The following TENM3 variants were observed in gnomAD, a reference collection of about 807,000 sequenced individuals.
TENM3 encodes teneurin transmembrane protein 3.
In TENM3, 63 loss-of-function variants were observed where a neutral mutation model predicts 255.1. The ratio of observed to expected loss-of-function variants is 0.25; its 90% confidence interval spans 0.20 to 0.30. TENM3 has a LOEUF of 0.30. Ranked by LOEUF, TENM3 falls within the 10% of genes least tolerant of loss-of-function variation. The pLI, the probability that TENM3 is intolerant of heterozygous loss-of-function variation, is 1.00. For synonymous variants in TENM3, 1,306 were observed against 1,322.3 expected (o/e 0.99, Z 0.27); for missense variants, 2,929 against 3,461.1 (o/e 0.85, Z 3.86).
At chr4:182,726,945 T>TA (rs1379600339) in intron 13 of TENM3, among the ~76,000 whole-genome samples, 9 of 151,976 alleles carry the variant, frequency 5.9e-5, no homozygotes, top group African/African-American at 1.9e-4. Context: ...AGTATTTTTT[T>TA]AAAAAAAGAC....
chr4:182,308,863 T>G (rs545202196), intron 1 of TENM3, among the ~76,000 whole-genome samples: 1 of 152,344 alleles, frequency 6.6e-6, no homozygotes, highest in East Asian at 1.9e-4. Context: ...CATATTTATA[T>G]TCCCCAATAC....
At chr4:182,072,574 T>C in the TENM3 span, among the ~76,000 whole-genome samples, 2 of 152,234 alleles carry the variant, frequency 1.3e-5, no homozygotes, top group Admixed American at 1.3e-4. Flanking sequence ...TAAAGAAATA[T>C]ATACTTCCAC....
chr4:181,708,264 A>T, the TENM3 span, among the ~76,000 whole-genome samples: 2 of 152,236 alleles, frequency 1.3e-5, no homozygotes, highest in African/African-American at 2.4e-5. Context: ...TTCTGATAAG[A>T]TATAATTAGG....
At chr4:181,553,333 T>C in the TENM3 span, among the ~76,000 whole-genome samples, 784 of 124,400 alleles carry the variant, frequency 6.3e-3, 7 homozygotes, top group African/African-American at 0.02. Context: ...TATATATATA[T>C]ATACACACAC....
chr4:181,605,295 A>G, the TENM3 span, among the ~76,000 whole-genome samples: 4 of 151,186 alleles, frequency 2.6e-5, no homozygotes, highest in African/African-American at 7.3e-5. Context: ...AAGAAAAAAG[A>G]AAAAAAAGAA....
At chr4:182,692,723 A>G (rs562713485) in intron 12 of TENM3, among the ~76,000 whole-genome samples, 13 of 152,360 alleles carry the variant, frequency 8.5e-5, no homozygotes, top group African/African-American at 3.1e-4. Context: ...AAGCTACTCA[A>G]GAAATTTTGG....
chr4:182,526,043 G>C (rs569695515), intron 3 of TENM3, among the ~76,000 whole-genome samples: 1 of 152,054 alleles, frequency 6.6e-6, no homozygotes, highest in African/African-American at 2.4e-5. Flanking sequence ...GCAGTGGTGC[G>C]ATCTCGGCTT....
At chr4:182,413,453 C>T (rs1770152683) in intron 3 of TENM3, among the ~76,000 whole-genome samples, 1 of 152,032 alleles carries the variant, frequency 6.6e-6, no homozygotes, top group Non-Finnish European at 1.5e-5. Flanking sequence ...CCTGTCTCTA[C>T]TAAAAATACA....
intron 3 of TENM3, among the ~76,000 whole-genome samples, chr4:182,589,062 A>T (rs1270690685): frequency 6.6e-6 from 1 of 152,226 alleles, no homozygotes; most frequent in Non-Finnish European, 1.5e-5. Flanking sequence ...TGAGAAAGAC[A>T]TGAATAAATA....
the TENM3 span, among the ~76,000 whole-genome samples, chr4:181,477,767 T>C: frequency 6.6e-6 from 1 of 152,234 alleles, no homozygotes; most frequent in Non-Finnish European, 1.5e-5. Context: ...AGTATTTGGG[T>C]GTGATTCATT....
At chr4:182,734,283 G>T (rs1355104676) in intron 16 of TENM3, among the ~76,000 whole-genome samples, 2 of 152,160 alleles carry the variant, frequency 1.3e-5, no homozygotes, top group South Asian at 4.1e-4. Flanking sequence ...TTGTAGAGGG[G>T]ACAATGGGGA....
the TENM3 span, among the ~76,000 whole-genome samples, chr4:181,887,633 A>G: frequency 4.6e-5 from 7 of 152,178 alleles, no homozygotes; most frequent in African/African-American, 1.7e-4. Context: ...ATTCTTCACG[A>G]CAAAATTTTA....
chr4:181,789,420 C>T, the TENM3 span, among the ~76,000 whole-genome samples: 1 of 151,768 alleles, frequency 6.6e-6, no homozygotes, highest in Non-Finnish European at 1.5e-5. Context: ...CCATGCCCAG[C>T]TAATTTTTGT....
At chr4:181,689,520 T>A in the TENM3 span, among the ~76,000 whole-genome samples, 2 of 152,246 alleles carry the variant, frequency 1.3e-5, no homozygotes, top group African/African-American at 4.8e-5. Flanking sequence ...TTCCCCTATG[T>A]CCGGGGTACA....
intron 1 of TENM3, among the ~76,000 whole-genome samples, chr4:182,253,941 G>A (rs1025189007): frequency 3.9e-5 from 6 of 152,022 alleles, no homozygotes; most frequent in Non-Finnish European, 8.8e-5. Context: ...CACTTGATCA[G>A]CTTTAAAACT....
the TENM3 span, among the ~76,000 whole-genome samples, chr4:181,490,221 A>G: frequency 2.6e-5 from 4 of 152,288 alleles, no homozygotes; most frequent in South Asian, 8.3e-4. Flanking sequence ...ATTATTAACT[A>G]TACGCACCCT....
At position 182,203,973 on chromosome 4, in the gene TENM3, C is replaced by T. The variant is rs537139248; in HGVS notation, c.-76+59219C>T. On this transcript the variant is annotated intron_variant, in intron 1 of 2. Coordinates refer to the TENM3 transcript ENST00000512480. ...TTTCATCCAAGATATAACATGGATT[C>T]GAGAAGGGAGGTGTTTCAGAAGCTG... Among the ~76,000 whole-genome samples, 9 of 152,128 alleles carry T rather than the reference C, an allele frequency of 5.9e-5. No individual in the cohort carries two copies. In the East Asian group the frequency reaches 1.5e-3, roughly 26 times the overall value.
chr4:182,031,372 G>A, the TENM3 span, among the ~76,000 whole-genome samples: 2 of 152,066 alleles, frequency 1.3e-5, no homozygotes, highest in Non-Finnish European at 1.5e-5. Context: ...GTAGACATGT[G>A]GCCCTATTTC....
intron 1 of TENM3, among the ~76,000 whole-genome samples, chr4:182,223,151 A>C (rs1185220354): frequency 6.6e-6 from 1 of 152,226 alleles, no homozygotes; most frequent in Non-Finnish European, 1.5e-5. Flanking sequence ...GGTGGAAAGA[A>C]TATAATACCT....
Sources: allele counts gnomAD v4.1 joint callset (sites outside exome capture counted in the v4.1 genomes callset), GRCh38; gene constraint gnomAD v4.1.1; transcripts MANE v1.5; gene names NCBI Gene and HGNC (gene_info 2026-07-23, HGNC 2026-07-21).